ATP6V1G3: variants seen among roughly 807,000 people sequenced by gnomAD.
ATP6V1G3 encodes V-type proton ATPase subunit G 3.
In ATP6V1G3, 9 loss-of-function variants were observed where a neutral mutation model predicts 9.3. That is an observed-to-expected ratio of 0.97 (90% CI 0.59 to 1.69). The LOEUF (loss-of-function observed/expected upper bound fraction) is 1.69, where lower values mean the gene tolerates loss of function less well. ATP6V1G3 is among the 40% of genes most tolerant of loss of function. The pLI is 0.00. For synonymous variants in ATP6V1G3, 43 were observed against 43.8 expected (o/e 0.98, Z 0.07); for missense variants, 133 against 139.0 (o/e 0.96, Z 0.22).
intron 1 of ATP6V1G3, 51 bp downstream of exon 1, chr1:198,540,518 A>G (rs772834175): frequency 3.4e-5 from 53 of 1,572,150 alleles, no homozygotes; most frequent in Admixed American, 1.3e-4. Context: ...TTATCCCTGC[A>G]TTCCACTGCT....
chr1:198,535,317 C>A (rs912669845), intron 1 of ATP6V1G3, among the ~76,000 whole-genome samples: 9 of 152,056 alleles, frequency 5.9e-5, no homozygotes, highest in East Asian at 3.8e-4. Context: ...AAAGTCTTGT[C>A]TTTATGAACA....
rs572837137 is a variant in ATP6V1G3 at position 198,528,547 on chromosome 1, G to A, written c.183+534C>T. Among the ~76,000 whole-genome samples the A allele has an allele frequency of 9.4e-4, 143 of 152,100 alleles. 1 individual carries two copies. The Middle Eastern group carries it at 0.017, about 18-fold the overall frequency. On this transcript the variant is annotated intron_variant, in intron 2 of 2. Coordinates refer to ENST00000367382, the MANE Select transcript of ATP6V1G3 (RefSeq NM_001376861.1). ...GATATTTAAAAATGTGCCAATGTAG[G>A]AAAAAGCATTTCTTTATCTCTAAAT... is the stretch of plus-strand genomic sequence containing the variant.
In ATP6V1G3 at chr1:198,529,602, A is replaced by G. The variant is rs182908451; in HGVS notation, c.83-421T>C. 3.3e-5 allele frequency among the ~76,000 whole-genome samples: 5 copies of G among 152,264 alleles called. No homozygotes were observed. The East Asian group carries it at 9.6e-4, about 29-fold the overall frequency. On this transcript the variant is annotated intron_variant, in intron 1 of 2. Transcript: ENST00000367382. ...TCTTGATTTGCTGCCAGAATCCTTC[A>G]GTCCACACCAACTGGATCCTATTTA...
chr1:198,528,075 G>GA (rs1206624643), intron 2 of ATP6V1G3, among the ~76,000 whole-genome samples: 1 of 152,118 alleles, frequency 6.6e-6, no homozygotes, highest in East Asian at 1.9e-4. Context: ...TAGGGTGGTA[G>GA]AAAATGTGGT....
intron 1 of ATP6V1G3, among the ~76,000 whole-genome samples, chr1:198,529,403 A>T (rs1470260731): frequency 1.3e-5 from 2 of 151,772 alleles, no homozygotes; most frequent in Admixed American, 1.3e-4. Flanking sequence ...AAAAAAATAG[A>T]TATTGAAAAT....
chr1:198,525,975 T>C, intron 2 of ATP6V1G3, among the ~76,000 whole-genome samples: 1 of 152,196 alleles, frequency 6.6e-6, no homozygotes, highest in East Asian at 1.9e-4. Flanking sequence ...TTTTCACTGA[T>C]TGTTTTACTT....
chr1:198,525,306 C>T (rs1286140498), intron 2 of ATP6V1G3, among the ~76,000 whole-genome samples: 1 of 152,044 alleles, frequency 6.6e-6, no homozygotes, highest in East Asian at 1.9e-4. Flanking sequence ...TAAAAACAAA[C>T]TGTTGTGAAA....
chr1:198,540,551 C>A lies in ATP6V1G3; in HGVS notation c.82+18G>T, dbSNP rs1411648650. 1 of 1,610,194 alleles carries A rather than the reference C, an allele frequency of 6.2e-7. No homozygotes were observed. The highest frequency in any genetic ancestry group is 1.7e-5 in the Admixed American group (1 of 59,978). On this transcript the variant is annotated intron_variant, in intron 1 of 2. Coordinates refer to ENST00000367382, the MANE Select transcript of ATP6V1G3 (RefSeq NM_001376861.1). Reference sequence around the variant, plus strand: ...GCTTTGTTTATTTCGTGACAGACCCCTCACAGGTGAGACTTACTCTTCTTG... The same window carrying A: ...GCTTTGTTTATTTCGTGACAGACCCATCACAGGTGAGACTTACTCTTCTTG...
At position 198,537,766 on chromosome 1, in the gene ATP6V1G3, A is replaced by G. The variant is rs374520724; in HGVS notation, c.82+2803T>C. Reference sequence around the variant, plus strand: ...CTGGGAAGTTCTTTAAGGAAGAACTAGGTCTTATTTATCAGTGTAAACATC... The same window carrying G: ...CTGGGAAGTTCTTTAAGGAAGAACTGGGTCTTATTTATCAGTGTAAACATC... On this transcript the variant is annotated intron_variant, in intron 1 of 2. Coordinates refer to ENST00000367382, the MANE Select transcript of ATP6V1G3 (RefSeq NM_001376861.1). Among the ~76,000 whole-genome samples the G allele has an allele frequency of 1.4e-3, 217 of 152,340 alleles. 2 individuals are homozygous for G. The highest frequency in any genetic ancestry group is 5.1e-3 in the African/African-American group (211 of 41,588).
chr1:198,538,265 T>C (rs968576837), intron 1 of ATP6V1G3, among the ~76,000 whole-genome samples: 6 of 152,314 alleles, frequency 3.9e-5, no homozygotes, highest in Middle Eastern at 6.8e-3. Context: ...AGTATGTACT[T>C]TTCAATACTG....
At chr1:198,524,220 G>A (rs1659570153) in intron 2 of ATP6V1G3, among the ~76,000 whole-genome samples, 1 of 150,978 alleles carries the variant, frequency 6.6e-6, no homozygotes, top group Non-Finnish European at 1.5e-5. Context: ...CGCCTCCCAG[G>A]TTCAAGCGAT....
At chr1:198,526,668 G>T (rs55685227) in intron 2 of ATP6V1G3, among the ~76,000 whole-genome samples, 21,435 of 152,064 alleles carry the variant, frequency 0.14, 2,078 homozygotes, top group Non-Finnish European at 0.21. Flanking sequence ...CCAGTTTAAG[G>T]TAAAGCAGAG....
At chr1:198,525,417 T>G (rs905972413) in intron 2 of ATP6V1G3, among the ~76,000 whole-genome samples, 1 of 152,176 alleles carries the variant, frequency 6.6e-6, no homozygotes, top group African/African-American at 2.4e-5. Flanking sequence ...ATCTCAAGCT[T>G]AGGTTCTCTA....
chr1:198,531,637 G>A (rs906095249), intron 1 of ATP6V1G3, among the ~76,000 whole-genome samples: 2 of 152,116 alleles, frequency 1.3e-5, no homozygotes, highest in Admixed American at 1.3e-4. Flanking sequence ...ATAAGTTCTT[G>A]AGGTACAGAG....
At chr1:198,532,745 G>C (rs974234602) in intron 1 of ATP6V1G3, among the ~76,000 whole-genome samples, 1 of 152,110 alleles carries the variant, frequency 6.6e-6, no homozygotes, top group African/African-American at 2.4e-5. Context: ...CAGGGGGAAG[G>C]GTCCTCCAGG....
chr1:198,531,794 G>A (rs988925590), intron 1 of ATP6V1G3, among the ~76,000 whole-genome samples: 1 of 152,032 alleles, frequency 6.6e-6, no homozygotes, highest in Non-Finnish European at 1.5e-5. Context: ...CTTTGAGCAG[G>A]TTATTGAGTT....
chr1:198,537,883 A>T (rs1478963778), intron 1 of ATP6V1G3, among the ~76,000 whole-genome samples: 1 of 152,234 alleles, frequency 6.6e-6, no homozygotes, highest in African/African-American at 2.4e-5. Flanking sequence ...AAGTTATAAC[A>T]TACTGGTATA....
At chr1:198,526,294 G>C (rs1659648453) in intron 2 of ATP6V1G3, among the ~76,000 whole-genome samples, 1 of 152,100 alleles carries the variant, frequency 6.6e-6, no homozygotes, top group South Asian at 2.1e-4. Context: ...CAAGAATCAT[G>C]TTCCTTGATG....
intron 2 of ATP6V1G3, among the ~76,000 whole-genome samples, chr1:198,528,846 A>G (rs1659769100): frequency 6.6e-6 from 1 of 151,824 alleles, no homozygotes; most frequent in South Asian, 2.1e-4. Context: ...TATATACTAT[A>G]TATTACATAA....
Sources: gnomAD v4.1 joint callset for allele counts (sites outside exome capture counted in the v4.1 genomes callset) on GRCh38, gnomAD v4.1.1 for gene constraint, MANE v1.5 for transcripts, NCBI Gene and HGNC (gene_info 2026-07-23, HGNC 2026-07-21) for gene names.